PDIA6: variants seen among roughly 807,000 people sequenced by gnomAD.
PDIA6 encodes the protein protein disulfide isomerase family A member 6.
PDIA6 carries 29 observed loss-of-function variants against 58.4 expected under a neutral mutation model. That is an observed-to-expected ratio of 0.50 (90% confidence interval 0.37 to 0.68). The LOEUF is 0.68. Ranked by LOEUF, PDIA6 falls within the 30% of genes least tolerant of loss-of-function variation. The pLI, the probability that PDIA6 is intolerant of heterozygous loss-of-function variation, is 0.00. For missense variants in PDIA6, 480 were observed against 551.0 expected, an observed-to-expected ratio of 0.87 and a Z score of 1.29; for synonymous variants, 192 against 202.6, an observed-to-expected ratio of 0.95 and a Z score of 0.44.
chr2:10,820,977 G>T lies in PDIA6; in HGVS notation c.-47-1623C>A, dbSNP rs531694715. 60 of 649,042 alleles carry T rather than the reference G, an allele frequency of 9.2e-5. 1 individual carries two copies. In the African/African-American group the frequency reaches 9.7e-4, roughly 10 times the overall value. The allele number at this position is 649,042 out of a possible 1,614,324, so 40.2% of individuals were successfully genotyped here. The stretch of plus-strand genomic sequence containing the variant: ...GACCTGGGTTTGGAAACTGACCCTG[G>T]TTAAGCAGGTCGTTGGGCCCAGGAC... On this transcript the variant is annotated intron_variant, in intron 1 of 13. Transcript: ENST00000381611.
intron 1 of PDIA6, among the ~76,000 whole-genome samples, chr2:10,806,367 C>CA (rs71392260): frequency 0.026 from 2,745 of 106,288 alleles, 31 homozygotes; most frequent in African/African-American, 0.03. Flanking sequence ...GACCTTGTCT[C>CA]AAAAAAAAAA....
chr2:10,836,771 T>C (rs1215080522), upstream of PDIA6, among the ~76,000 whole-genome samples: 1 of 151,986 alleles, frequency 6.6e-6, no homozygotes, highest in Non-Finnish European at 1.5e-5. Context: ...GTCTTTTCAT[T>C]GCCGCTTGTG....
chr2:10,798,877 A>G (rs1330761109), intron 2 of PDIA6, among the ~76,000 whole-genome samples: 1 of 152,220 alleles, frequency 6.6e-6, no homozygotes, highest in Non-Finnish European at 1.5e-5. Context: ...AACTATGCCT[A>G]TATCTCAATA....
chr2:10,789,422 C>CAAAAT (rs1665931880), intron 8 of PDIA6, among the ~76,000 whole-genome samples: 1 of 152,040 alleles, frequency 6.6e-6, no homozygotes, highest in African/African-American at 2.4e-5. Flanking sequence ...CAAAACAAAA[C>CAAAAT]AAAACAAAAC....
intron 11 of PDIA6, among the ~76,000 whole-genome samples, chr2:10,786,102 C>T (rs1665727875): frequency 6.6e-6 from 1 of 152,042 alleles, no homozygotes; most frequent in African/African-American, 2.4e-5. Context: ...GTGGGTGGAT[C>T]ACTTGAGGTC....
chr2:10,817,610 T>C (rs926555554), upstream of PDIA6, among the ~76,000 whole-genome samples: 1 of 152,186 alleles, frequency 6.6e-6, no homozygotes, highest in African/African-American at 2.4e-5. Context: ...GCCAATGGAA[T>C]GGGAGAGGAG....
intron 1 of PDIA6, among the ~76,000 whole-genome samples, chr2:10,822,580 G>A (rs1432935111): frequency 1.3e-5 from 2 of 152,214 alleles, no homozygotes; most frequent in African/African-American, 4.8e-5. Context: ...GATTTTTAAT[G>A]TAGCACTGCA....
At chr2:10,812,601 C>G in intron 1 of PDIA6, 77 bp downstream of exon 1, 6 of 1,383,574 alleles carry the variant, frequency 4.3e-6, no homozygotes, top group South Asian at 2.9e-5. Flanking sequence ...CGCGGCCCGC[C>G]GGGGAACGGC....
intron 1 of PDIA6, among the ~76,000 whole-genome samples, chr2:10,829,771 C>T (rs1015401184): frequency 1.3e-5 from 2 of 152,114 alleles, no homozygotes; most frequent in Non-Finnish European, 2.9e-5. Flanking sequence ...ATTACATTTC[C>T]AATCTCTTTT....
At chr2:10,821,058 A>G (rs1686497) in intron 1 of PDIA6, 200,601 of 524,374 alleles carry the variant, frequency 0.38, 41,677 homozygotes, top group East Asian at 0.71. Context: ...CAGAATTTTC[A>G]GGTCGTGTTT....
chr2:10,798,565 C>A (rs375502975), intron 2 of PDIA6, among the ~76,000 whole-genome samples: 13 of 85,218 alleles, frequency 1.5e-4, no homozygotes, highest in South Asian at 4.7e-4. Flanking sequence ...AAGACTCTGT[C>A]CCCCACCCAA....
chr2:10,834,140 A>T (rs1294356121), upstream of PDIA6, among the ~76,000 whole-genome samples: 1 of 152,264 alleles, frequency 6.6e-6, no homozygotes. Flanking sequence ...GAAAGATCCC[A>T]GTGAATTTGT....
At chr2:10,805,601 A>T (rs1156452498) in intron 1 of PDIA6, among the ~76,000 whole-genome samples, 3 of 83,524 alleles carry the variant, frequency 3.6e-5, no homozygotes, top group African/African-American at 1.0e-4. Flanking sequence ...CTATAAAGAC[A>T]CATGCACATG....
rs1418261505 is a variant in PDIA6 at position 10,818,478 on chromosome 2, TTTAATTTATTTATTTATTTATTTA to T, written c.34+772_34+795del. Among the ~76,000 whole-genome samples, 55 of 121,026 alleles carry T rather than the reference TTTAATTTATTTATTTATTTATTTA, an allele frequency of 4.5e-4. 1 individual carries two copies. The highest frequency in any genetic ancestry group is 8.9e-4 in the African/African-American group (32 of 36,056). 79.4% of individuals were successfully genotyped at this position (121,026 alleles called of 152,430 possible). Reference sequence around the variant, plus strand: ...CACTGTGCCCAGCTCACTTTAACCATTTAATTTATTTATTTATTTATTTATTTATTTATTTATTTATTTATTTAT... The same window carrying T: ...CACTGTGCCCAGCTCACTTTAACCATTTTATTTATTTATTTATTTATTTAT... On this transcript the variant is annotated intron_variant, in intron 2 of 13. Transcript: ENST00000381611.
upstream of PDIA6, chr2:10,812,786 GC>G: frequency 7.9e-7 from 1 of 1,260,552 alleles, no homozygotes; most frequent in Non-Finnish European, 1.0e-6. Context: ...CCCACGTCCC[GC>G]CCCAGGCCAG....
chr2:10,815,045 C>G (rs971029998), upstream of PDIA6, among the ~76,000 whole-genome samples: 3 of 152,186 alleles, frequency 2.0e-5, no homozygotes, highest in African/African-American at 7.2e-5. Context: ...CTGCACGAGG[C>G]ACACACCCCT....
At chr2:10,804,200 G>GC (rs1174151485) in intron 1 of PDIA6, among the ~76,000 whole-genome samples, 5 of 151,962 alleles carry the variant, frequency 3.3e-5, no homozygotes, top group Non-Finnish European at 7.4e-5. Flanking sequence ...GAGCCACCGT[G>GC]CCCGGCCCTG....
chr2:10,814,778 A>G (rs1337988190), upstream of PDIA6, among the ~76,000 whole-genome samples: 2 of 152,044 alleles, frequency 1.3e-5, no homozygotes, highest in African/African-American at 4.8e-5. Flanking sequence ...CAACGCACTC[A>G]CGATCGAGTT....
chr2:10,832,514 G>A (rs1018926556), upstream of PDIA6: 6 of 826,838 alleles, frequency 7.3e-6, no homozygotes, highest in South Asian at 5.5e-5. Context: ...ACCGCAAGGG[G>A]GCGCTCTGCC....
Sources: gnomAD v4.1 joint callset for allele counts (sites outside exome capture counted in the v4.1 genomes callset) on GRCh38, gnomAD v4.1.1 for gene constraint, MANE v1.5 for transcripts, NCBI Gene and HGNC (gene_info 2026-07-23, HGNC 2026-07-21) for gene names.